The following FSHR variants were observed in gnomAD, a reference collection of about 807,000 sequenced individuals.
FSHR encodes follicle-stimulating hormone receptor.
A neutral mutation model predicts 52.1 loss-of-function variants in FSHR; 46 were observed. The ratio of observed to expected loss-of-function variants is 0.88; its 90% CI spans 0.70 to 1.13. FSHR has a LOEUF of 1.13. Among genes scored for constraint, FSHR ranks in the 50% most tolerant of loss-of-function variants. FSHR has a pLI of 0.00. For synonymous variants in FSHR, 399 were observed against 309.6 expected, an observed-to-expected ratio of 1.29 and a Z score of -3.03; for missense variants, 964 against 834.6, an observed-to-expected ratio of 1.16 and a Z score of -1.91.
At chr2:49,087,853 C>G (rs1242499320) in intron 1 of FSHR, among the ~76,000 whole-genome samples, 1 of 152,168 alleles carries the variant, frequency 6.6e-6, no homozygotes, top group African/African-American at 2.4e-5. Context: ...ATAAGACAGA[C>G]ACATTTCCTT....
chr2:49,124,556 T>C (rs1198146244), intron 1 of FSHR, among the ~76,000 whole-genome samples: 1 of 152,170 alleles, frequency 6.6e-6, no homozygotes, highest in Non-Finnish European at 1.5e-5. Context: ...GCTCCATTTT[T>C]TTTTCAATTG....
At position 49,089,933 on chromosome 2, in the gene FSHR, G is replaced by A. The variant is rs1034685855; in HGVS notation, c.153-21643C>T. Reference sequence around the variant, plus strand: ...CGTGTACATTCTAGCTAGCAGGGACGCTGACCACTCGAAAAAGACTTACCA... The same window carrying A: ...CGTGTACATTCTAGCTAGCAGGGACACTGACCACTCGAAAAAGACTTACCA... On this transcript the variant is annotated intron_variant, in intron 1 of 9. Transcript: ENST00000406846. Among the ~76,000 whole-genome samples the A allele has an allele frequency of 3.3e-5, 5 of 152,078 alleles. No individual in the cohort carries two copies. The East Asian group carries it at 7.7e-4, about 23-fold the overall frequency.
chr2:49,012,701 A>T (rs1161779854), intron 4 of FSHR, among the ~76,000 whole-genome samples: 1 of 152,054 alleles, frequency 6.6e-6, no homozygotes, highest in Non-Finnish European at 1.5e-5. Flanking sequence ...CAACAACTCA[A>T]TCCTACTGGT....
chr2:49,061,600 G>A (rs1384939657), intron 2 of FSHR, among the ~76,000 whole-genome samples: 1 of 121,710 alleles, frequency 8.2e-6, no homozygotes, highest in African/African-American at 3.3e-5. Context: ...ATATCTAAAT[G>A]TATATATATT....
At chr2:49,123,790 G>A (rs1671902563) in intron 1 of FSHR, among the ~76,000 whole-genome samples, 1 of 152,102 alleles carries the variant, frequency 6.6e-6, no homozygotes, top group Middle Eastern at 3.2e-3. Flanking sequence ...ACAAAGCAAG[G>A]AAGAACAATG....
At chr2:49,098,995 G>A (rs11895457) in intron 1 of FSHR, among the ~76,000 whole-genome samples, 5,720 of 151,148 alleles carry the variant, frequency 0.038, 344 homozygotes, top group African/African-American at 0.13. Context: ...AGGACTTGGC[G>A]ATTCATTTGA....
chr2:48,991,952 T>C (rs995891726), intron 4 of FSHR, among the ~76,000 whole-genome samples: 1 of 152,018 alleles, frequency 6.6e-6, no homozygotes, highest in African/African-American at 2.4e-5. Flanking sequence ...TGGTGCCTTG[T>C]TCTCTGCTTC....
chr2:49,121,203 C>A (rs1198995531), intron 1 of FSHR, among the ~76,000 whole-genome samples: 1 of 152,202 alleles, frequency 6.6e-6, no homozygotes, highest in Non-Finnish European at 1.5e-5. Context: ...ATTTCCATAA[C>A]CTACCTTTGG....
chr2:49,104,856 T>A (rs1205476636), intron 1 of FSHR, among the ~76,000 whole-genome samples: 1 of 45,382 alleles, frequency 2.2e-5, no homozygotes, highest in Non-Finnish European at 4.6e-5. Context: ...GGGAAAGAGA[T>A]GGGGGGAGGG....
intron 1 of FSHR, among the ~76,000 whole-genome samples, chr2:49,077,313 C>T (rs1241348509): frequency 6.6e-6 from 1 of 152,198 alleles, no homozygotes; most frequent in African/African-American, 2.4e-5. Flanking sequence ...GGGCTTGCAC[C>T]CTCTGAAGCT....
intron 8 of FSHR, among the ~76,000 whole-genome samples, chr2:48,981,224 T>A (rs1675232810): frequency 6.6e-6 from 1 of 152,182 alleles, no homozygotes; most frequent in Admixed American, 6.5e-5. Flanking sequence ...CATAGATAGA[T>A]CATGACTTGA....
At chr2:49,003,416 G>A (rs140165841) in intron 4 of FSHR, among the ~76,000 whole-genome samples, 28 of 152,228 alleles carry the variant, frequency 1.8e-4, no homozygotes, top group African/African-American at 4.8e-4. Context: ...TGGTTTCCCC[G>A]TCCTGATCTG....
intron 1 of FSHR, among the ~76,000 whole-genome samples, chr2:49,090,143 G>C (rs1266815336): frequency 6.6e-6 from 1 of 151,536 alleles, no homozygotes; most frequent in Admixed American, 6.6e-5. Context: ...GTGTGTGTGT[G>C]TGTGTGTGTG....
intron 4 of FSHR, chr2:49,015,068 G>A (rs1667431442): frequency 3.4e-6 from 1 of 296,772 alleles, no homozygotes; most frequent in Admixed American, 5.0e-5. Context: ...AAAACAATTT[G>A]CAAAGTGTTT....
intron 2 of FSHR, among the ~76,000 whole-genome samples, chr2:49,046,810 T>G (rs1284673152): frequency 6.6e-6 from 1 of 152,158 alleles, no homozygotes; most frequent in Non-Finnish European, 1.5e-5. Context: ...TCTCTTATAG[T>G]TGCTCACAAG....
At chr2:49,018,194 T>C (rs1160326716) in intron 3 of FSHR, among the ~76,000 whole-genome samples, 1 of 152,216 alleles carries the variant, frequency 6.6e-6, no homozygotes. Context: ...ATTCCCTTTA[T>C]GCAGTAGACT....
intron 2 of FSHR, among the ~76,000 whole-genome samples, chr2:49,036,427 AT>A (rs1668273700): frequency 6.6e-6 from 1 of 151,550 alleles, no homozygotes; most frequent in Admixed American, 6.6e-5. Flanking sequence ...ATATGGATAT[AT>A]TTTATATATA....
chr2:49,040,918 AT>A (rs1393809719), intron 2 of FSHR, among the ~76,000 whole-genome samples: 2 of 152,184 alleles, frequency 1.3e-5, no homozygotes, highest in African/African-American at 4.8e-5. Flanking sequence ...GCATTGATTG[AT>A]TTACTGGAAA....
chr2:49,058,021 C>A (rs147442020), intron 2 of FSHR, among the ~76,000 whole-genome samples: 2,603 of 152,232 alleles, frequency 0.017, 25 homozygotes, highest in Middle Eastern at 0.051. Flanking sequence ...AGTACCGCAA[C>A]TCAATAAAGG....
Sources: gnomAD v4.1 joint callset for allele counts (sites outside exome capture counted in the v4.1 genomes callset) on GRCh38, gnomAD v4.1.1 for gene constraint, MANE v1.5 for transcripts, NCBI Gene and HGNC (gene_info 2026-07-23, HGNC 2026-07-21) for gene names.